Variants in KCNH1 observed in about 807,000 individuals in gnomAD.
KCNH1 encodes the protein voltage-gated delayed rectifier potassium channel KCNH1.
A neutral mutation model predicts 69.2 loss-of-function variants in KCNH1; 27 were observed. That is an observed-to-expected ratio of 0.39 (90% confidence interval 0.29 to 0.54). The LOEUF (loss-of-function observed/expected upper bound fraction) is 0.54, where lower values mean the gene tolerates loss of function less well. Ranked by LOEUF, KCNH1 falls within the 20% of genes least tolerant of loss-of-function variation. The pLI is 0.68. For synonymous variants in KCNH1, 456 were observed against 487.7 expected (o/e 0.93, Z 0.86); for missense variants, 798 against 1,261.6 (o/e 0.63, Z 5.57).
chr1:210,965,024 A>G (rs902805909), intron 6 of KCNH1, among the ~76,000 whole-genome samples: 9 of 152,338 alleles, frequency 5.9e-5, no homozygotes, highest in African/African-American at 2.2e-4. Flanking sequence ...TAGATGCAGA[A>G]AAGGCTTTCG....
intron 7 of KCNH1, among the ~76,000 whole-genome samples, chr1:210,873,176 T>C (rs1686288008): frequency 6.6e-6 from 1 of 152,164 alleles, no homozygotes; most frequent in South Asian, 2.1e-4. Flanking sequence ...AGCAACATTA[T>C]TCATTCCCAT....
intron 1 of KCNH1, among the ~76,000 whole-genome samples, chr1:211,125,876 A>C (rs562170280): frequency 4.3e-4 from 66 of 152,364 alleles, no homozygotes; most frequent in Non-Finnish European, 8.5e-4. Context: ...GACTGATCAA[A>C]AGAGTTGTCA....
intron 9 of KCNH1, among the ~76,000 whole-genome samples, chr1:210,785,580 T>A (rs1684084033): frequency 6.6e-6 from 1 of 152,076 alleles, no homozygotes; most frequent in Non-Finnish European, 1.5e-5. Context: ...AGACGGGGTG[T>A]TTCACTGTGT....
chr1:210,953,060 T>A (rs1688092486), intron 6 of KCNH1, among the ~76,000 whole-genome samples: 1 of 152,178 alleles, frequency 6.6e-6, no homozygotes, highest in Non-Finnish European at 1.5e-5. Context: ...ACCCAGATAA[T>A]CAAAGCTATC....
At chr1:210,760,223 G>A (rs992336937) in intron 10 of KCNH1, among the ~76,000 whole-genome samples, 1 of 151,920 alleles carries the variant, frequency 6.6e-6, no homozygotes, top group African/African-American at 2.4e-5. Flanking sequence ...CAAGGTCAAT[G>A]TGAAAGAAAA....
At chr1:211,062,019 G>A (rs1021506244) in intron 5 of KCNH1, among the ~76,000 whole-genome samples, 1 of 152,066 alleles carries the variant, frequency 6.6e-6, no homozygotes, top group African/African-American at 2.4e-5. Context: ...GCTATTCTGA[G>A]CAAAAAGAAC....
chr1:210,981,372 CAAAA>C (rs10684074), intron 6 of KCNH1, among the ~76,000 whole-genome samples: 1 of 85,498 alleles, frequency 1.2e-5, no homozygotes, highest in Admixed American at 1.5e-4. Flanking sequence ...GTAACAACGA[CAAAA>C]AAAAAAAAAA....
intron 4 of KCNH1, among the ~76,000 whole-genome samples, chr1:211,087,871 T>C (rs1202919178): frequency 6.6e-6 from 1 of 152,024 alleles, no homozygotes; most frequent in Non-Finnish European, 1.5e-5. Context: ...CTGGAAGCAT[T>C]TGCACGACCC....
At chr1:210,901,259 C>A (rs1419188636) in intron 7 of KCNH1, among the ~76,000 whole-genome samples, 1 of 152,188 alleles carries the variant, frequency 6.6e-6, no homozygotes, top group East Asian at 1.9e-4. Context: ...AACCCTACCA[C>A]AGCCAATTCA....
intron 6 of KCNH1, among the ~76,000 whole-genome samples, chr1:210,987,408 G>A (rs945142520): frequency 1.4e-4 from 21 of 152,110 alleles, no homozygotes; most frequent in African/African-American, 5.1e-4. Flanking sequence ...TCCCATCTTT[G>A]TAGTTTTATC....
chr1:211,073,854 G>A (rs1690687556), intron 5 of KCNH1, among the ~76,000 whole-genome samples: 1 of 151,404 alleles, frequency 6.6e-6, no homozygotes, highest in African/African-American at 2.4e-5. Flanking sequence ...AACAAAAATT[G>A]GAGCAGAAAG....
chr1:210,983,862 C>T lies in KCNH1; in HGVS notation c.1032+34921G>A, dbSNP rs558261388. Among the ~76,000 whole-genome samples, 15 of 152,254 alleles carry T rather than the reference C, an allele frequency of 9.9e-5. No homozygotes were observed. The South Asian group carries it at 2.3e-3, about 23-fold the overall frequency. ...CATTCAATCTATAAATTACTTTGGGCAGTATGGCCATTTTCGTGATATTGA... is the reference window on the plus strand; with the variant it reads ...CATTCAATCTATAAATTACTTTGGGTAGTATGGCCATTTTCGTGATATTGA... On this transcript the variant is annotated intron_variant, in intron 6 of 10. Transcript: ENST00000271751.
chr1:210,861,013 G>T (rs2102480941), intron 7 of KCNH1: 2 of 1,057,084 alleles, frequency 1.9e-6, no homozygotes, highest in Non-Finnish European at 3.0e-6. Context: ...GGTCAGCATT[G>T]GGTTCTGTAA....
At chr1:210,925,659 C>T (rs1687557599) in intron 6 of KCNH1, among the ~76,000 whole-genome samples, 1 of 152,208 alleles carries the variant, frequency 6.6e-6, no homozygotes, top group Admixed American at 6.5e-5. Flanking sequence ...CCATCATCCC[C>T]ACTGGGAATA....
At chr1:210,832,850 T>C (rs1226543395) in intron 7 of KCNH1, among the ~76,000 whole-genome samples, 1 of 149,250 alleles carries the variant, frequency 6.7e-6, no homozygotes, top group Non-Finnish European at 1.5e-5. Flanking sequence ...ATCAGCAAAT[T>C]ACAATGGCTG....
intron 6 of KCNH1, among the ~76,000 whole-genome samples, chr1:210,989,183 A>G (rs1205732714): frequency 2.0e-5 from 3 of 152,198 alleles, no homozygotes. Flanking sequence ...TGCTTTTTCA[A>G]TGCATCTGCT....
intron 6 of KCNH1, among the ~76,000 whole-genome samples, chr1:210,977,667 G>T (rs1688639824): frequency 6.6e-6 from 1 of 152,098 alleles, no homozygotes; most frequent in Admixed American, 6.6e-5. Flanking sequence ...TGCTGGGTCA[G>T]TAGATTCAAA....
chr1:210,772,339 C>T (rs113489708), intron 10 of KCNH1, among the ~76,000 whole-genome samples: 4,089 of 151,892 alleles, frequency 0.027, 193 homozygotes, highest in African/African-American at 0.093. Flanking sequence ...TTAATTTTGC[C>T]AAGATAGAAA....
At chr1:210,694,693 G>A (rs753602831) in intron 10 of KCNH1, among the ~76,000 whole-genome samples, 1 of 152,200 alleles carries the variant, frequency 6.6e-6, no homozygotes. Flanking sequence ...AGCTTTGTAC[G>A]TCCATTCTTT....
Sources: gnomAD v4.1 joint callset for allele counts (sites outside exome capture counted in the v4.1 genomes callset) on GRCh38, gnomAD v4.1.1 for gene constraint, MANE v1.5 for transcripts, NCBI Gene and HGNC (gene_info 2026-07-23, HGNC 2026-07-21) for gene names.